SBF2: variants seen among roughly 807,000 people sequenced by gnomAD.
SBF2 encodes the protein myotubularin-related protein 13.
In SBF2, 112 loss-of-function variants were observed where a neutral mutation model predicts 225.2. That is an observed-to-expected ratio of 0.50 (90% CI 0.43 to 0.58). SBF2 has a LOEUF of 0.58. Among genes scored for constraint, SBF2 ranks in the 20% least tolerant of loss-of-function variants. SBF2 has a pLI of 0.00. For missense variants in SBF2, 1,996 were observed against 2,206.2 expected, an observed-to-expected ratio of 0.90 and a Z score of 1.91; for synonymous variants, 763 against 773.3, an observed-to-expected ratio of 0.99 and a Z score of 0.22.
intron 1 of SBF2, among the ~76,000 whole-genome samples, chr11:10,289,210 A>G (rs981277846): frequency 1.3e-5 from 2 of 152,214 alleles, no homozygotes; most frequent in African/African-American, 4.8e-5. Context: ...CAAGCCTACA[A>G]GGGCAGGAGG....
intron 1 of SBF2, among the ~76,000 whole-genome samples, chr11:10,254,361 A>G (rs1960657755): frequency 6.6e-6 from 1 of 151,844 alleles, no homozygotes; most frequent in South Asian, 2.1e-4. Context: ...AGCCTGGGCA[A>G]CAGAGCGAGA....
At chr11:10,133,083 C>G (rs1407642869) in intron 2 of SBF2, among the ~76,000 whole-genome samples, 1 of 148,634 alleles carries the variant, frequency 6.7e-6, no homozygotes, top group African/African-American at 2.5e-5. Context: ...CATAAAGGTT[C>G]TCCACTTCCT....
chr11:10,210,813 G>A (rs1476340426), intron 1 of SBF2, among the ~76,000 whole-genome samples: 3 of 151,918 alleles, frequency 2.0e-5, no homozygotes, highest in Non-Finnish European at 4.4e-5. Flanking sequence ...AGGAGTTAGA[G>A]ACCAGCCTGG....
intron 17 of SBF2, among the ~76,000 whole-genome samples, chr11:9,890,316 C>A (rs1860694168): frequency 6.6e-6 from 1 of 152,126 alleles, no homozygotes; most frequent in Non-Finnish European, 1.5e-5. Context: ...TACTAATACA[C>A]ACACTTAAGA....
chr11:10,064,039 C>G (rs1006632704), intron 2 of SBF2, among the ~76,000 whole-genome samples: 1 of 151,856 alleles, frequency 6.6e-6, no homozygotes, highest in Non-Finnish European at 1.5e-5. Flanking sequence ...TGAAGAATAC[C>G]AGATGGAGTA....
chr11:10,075,976 C>T (rs185671537), intron 2 of SBF2, among the ~76,000 whole-genome samples: 54 of 151,994 alleles, frequency 3.6e-4, no homozygotes, highest in African/African-American at 1.3e-3. Flanking sequence ...AGCAAAATAG[C>T]ATGTACAGAT....
At chr11:9,872,684 A>G (rs941909259) in intron 17 of SBF2, among the ~76,000 whole-genome samples, 8 of 152,124 alleles carry the variant, frequency 5.3e-5, no homozygotes, top group Non-Finnish European at 1.2e-4. Flanking sequence ...ACTCTCATAC[A>G]CTGCTGAAAA....
At chr11:10,015,911 C>G (rs1428824520) in intron 6 of SBF2, among the ~76,000 whole-genome samples, 2 of 151,972 alleles carry the variant, frequency 1.3e-5, no homozygotes, top group Non-Finnish European at 2.9e-5. Flanking sequence ...CAGCAATTCT[C>G]CTGCCTCAGG....
At chr11:9,881,516 GA>G (rs1261026810) in intron 17 of SBF2, among the ~76,000 whole-genome samples, 1 of 152,010 alleles carries the variant, frequency 6.6e-6, no homozygotes, top group Non-Finnish European at 1.5e-5. Context: ...CAAATAAGGG[GA>G]AACTGTCCAG....
intron 16 of SBF2, among the ~76,000 whole-genome samples, chr11:9,941,766 T>C (rs1028907264): frequency 2.0e-5 from 3 of 152,112 alleles, no homozygotes; most frequent in Admixed American, 6.5e-5. Flanking sequence ...TGTTATACTA[T>C]AGGTCCTTGC....
intron 17 of SBF2, among the ~76,000 whole-genome samples, chr11:9,869,837 G>A (rs1858570757): frequency 6.6e-6 from 1 of 152,140 alleles, no homozygotes; most frequent in African/African-American, 2.4e-5. Context: ...ACACAGTATT[G>A]GAAGTTCTGG....
intron 1 of SBF2, among the ~76,000 whole-genome samples, chr11:10,259,422 T>A (rs1037175755): frequency 6.6e-6 from 1 of 152,198 alleles, no homozygotes; most frequent in Non-Finnish European, 1.5e-5. Context: ...TACTACTAAT[T>A]TGCATGCATT....
chr11:10,056,742 G>C (rs1358235165), intron 2 of SBF2, among the ~76,000 whole-genome samples: 1 of 151,514 alleles, frequency 6.6e-6, no homozygotes, highest in Non-Finnish European at 1.5e-5. Flanking sequence ...CCTCGCCTGA[G>C]GTTTCCAGCC....
At chr11:9,991,319 C>A (rs1039656279) in intron 12 of SBF2, among the ~76,000 whole-genome samples, 3 of 152,156 alleles carry the variant, frequency 2.0e-5, no homozygotes, top group Non-Finnish European at 4.4e-5. Flanking sequence ...ACATATTCTA[C>A]ACAGAACTAA....
chr11:9,839,583 C>T lies in SBF2; in HGVS notation c.3370G>A (p.Gly1124Arg). The T allele has an allele frequency of 6.2e-7, 1 of 1,614,144 alleles. No individual in the cohort carries two copies. The highest frequency in any genetic ancestry group is 1.1e-5 in the South Asian group (1 of 91,070). The change falls in exon 26 of 40, where the codon GGA becomes AGA. Residue 1124 changes from glycine (G) to arginine (R), a missense_variant. By Grantham distance (125) the Gly-to-Arg change is moderately radical. Coordinates refer to ENST00000256190, the MANE Select transcript of SBF2 (RefSeq NM_030962.4). Reference sequence around the variant, plus strand: ...CGGGAAGAGCTGCCACTTATGGTTCCTAAACCTAAACGCTGATAGTCTCTG... The same window carrying T: ...CGGGAAGAGCTGCCACTTATGGTTCTTAAACCTAAACGCTGATAGTCTCTG... Reference protein sequence around the residue: ...CFRDYQRLGLGTISGSSSRSR... With the variant: ...CFRDYQRLGLRTISGSSSRSR...
chr11:10,094,749 C>A (rs974605320), intron 2 of SBF2, among the ~76,000 whole-genome samples: 2 of 151,608 alleles, frequency 1.3e-5, no homozygotes, highest in African/African-American at 4.8e-5. Flanking sequence ...GGTGATCCAC[C>A]CGCCTCGGCC....
chr11:9,796,344 C>T (rs1184755850), intron 32 of SBF2, among the ~76,000 whole-genome samples: 1 of 152,030 alleles, frequency 6.6e-6, no homozygotes, highest in African/African-American at 2.4e-5. Context: ...AAGTCTCTAC[C>T]CCACTCACTA....
chr11:10,238,401 C>T (rs938644832), intron 1 of SBF2, among the ~76,000 whole-genome samples: 3 of 151,954 alleles, frequency 2.0e-5, no homozygotes, highest in African/African-American at 7.3e-5. Flanking sequence ...CAGAGTAAGG[C>T]CCTGTCTCAA....
At chr11:9,952,225 C>G (rs886815705) in intron 16 of SBF2, among the ~76,000 whole-genome samples, 4 of 145,460 alleles carry the variant, frequency 2.7e-5, no homozygotes, top group Non-Finnish European at 4.5e-5. Flanking sequence ...CAATGACAGC[C>G]TCTCTCTCAT....
Sources: allele counts gnomAD v4.1 joint callset (sites outside exome capture counted in the v4.1 genomes callset), GRCh38; gene constraint gnomAD v4.1.1; transcripts MANE v1.5; gene names NCBI Gene and HGNC (gene_info 2026-07-23, HGNC 2026-07-21).